HIVEP3: variants seen among roughly 807,000 people sequenced by gnomAD.
The protein encoded by HIVEP3 is HIVEP zinc finger 3, also known as transcription factor HIVEP3.
A neutral mutation model predicts 152.8 loss-of-function variants in HIVEP3; 49 were observed. The observed-to-expected ratio is 0.32, with a 90% CI of 0.26 to 0.41. The LOEUF (loss-of-function observed/expected upper bound fraction) is 0.41, where lower values mean the gene tolerates loss of function less well. Among genes scored for constraint, HIVEP3 ranks in the 10% least tolerant of loss-of-function variants. The probability of loss-of-function intolerance (pLI) is 1.00; values close to 1 mark genes in which losing one functional copy is unlikely to be tolerated. For synonymous variants in HIVEP3, 1,269 were observed against 1,289.0 expected (o/e 0.98, Z 0.33); for missense variants, 2,790 against 3,103.3 (o/e 0.90, Z 2.40).
At chr1:41,637,604 G>A (rs576777810) in intron 2 of HIVEP3, among the ~76,000 whole-genome samples, 42 of 152,296 alleles carry the variant, frequency 2.8e-4, no homozygotes, top group African/African-American at 9.9e-4. Flanking sequence ...TCCTCTCAAC[G>A]GGATGGTGAA....
chr1:41,677,731 C>G (rs1003340131), intron 2 of HIVEP3, among the ~76,000 whole-genome samples: 1 of 152,222 alleles, frequency 6.6e-6, no homozygotes, highest in Non-Finnish European at 1.5e-5. Flanking sequence ...CTGTAACTAT[C>G]AAATCTCCGA....
intron 1 of HIVEP3, among the ~76,000 whole-genome samples, chr1:41,913,012 A>G (rs1325505): frequency 0.45 from 68,754 of 152,152 alleles, 16,424 homozygotes; most frequent in East Asian, 0.71. Context: ...TGTATGTTGC[A>G]AAGCCACAGC....
At chr1:41,810,452 T>A (rs529532190) in intron 1 of HIVEP3, among the ~76,000 whole-genome samples, 1 of 152,264 alleles carries the variant, frequency 6.6e-6, no homozygotes, top group Non-Finnish European at 1.5e-5. Flanking sequence ...AGATAACAAA[T>A]GTCCATCTTA....
chr1:41,821,034 A>G (rs1642579652), intron 1 of HIVEP3, among the ~76,000 whole-genome samples: 1 of 152,172 alleles, frequency 6.6e-6, no homozygotes, highest in African/African-American at 2.4e-5. Context: ...TCTTGCCCTC[A>G]GATTATGAAG....
chr1:41,990,719 C>T (rs1317082585), intron 1 of HIVEP3, among the ~76,000 whole-genome samples: 2 of 150,150 alleles, frequency 1.3e-5, no homozygotes, highest in Non-Finnish European at 3.0e-5. Flanking sequence ...CACCACACCA[C>T]ACCTATTCCA....
chr1:41,671,061 A>G (rs569503855), intron 2 of HIVEP3, among the ~76,000 whole-genome samples: 13 of 151,856 alleles, frequency 8.6e-5, no homozygotes, highest in African/African-American at 2.4e-4. Flanking sequence ...TCAACCAGAC[A>G]CCCCCAAGCA....
At chr1:41,562,014 A>T (rs1644072854) in intron 5 of HIVEP3, among the ~76,000 whole-genome samples, 1 of 152,214 alleles carries the variant, frequency 6.6e-6, no homozygotes, top group African/African-American at 2.4e-5. Context: ...AGAAGAGGGA[A>T]GGAAGGAAAG....
chr1:41,562,505 C>T (rs1426229312), intron 5 of HIVEP3, among the ~76,000 whole-genome samples: 1 of 151,906 alleles, frequency 6.6e-6, no homozygotes, highest in African/African-American at 2.4e-5. Flanking sequence ...TCCTTCCTTC[C>T]TCTCTTTCTC....
chr1:41,595,661 AT>A (rs1644655345), intron 3 of HIVEP3, among the ~76,000 whole-genome samples: 1 of 152,144 alleles, frequency 6.6e-6, no homozygotes, highest in Non-Finnish European at 1.5e-5. Context: ...GGAGATTAAC[AT>A]TTGAGTCAGT....
intron 1 of HIVEP3, among the ~76,000 whole-genome samples, chr1:41,929,682 C>T (rs2124479523): frequency 7.1e-6 from 1 of 140,400 alleles, no homozygotes; most frequent in East Asian, 2.1e-4. Flanking sequence ...ACCTATATTT[C>T]CGTATCTATC....
intron 1 of HIVEP3, among the ~76,000 whole-genome samples, chr1:41,722,500 T>C (rs113631307): frequency 0.053 from 6,179 of 115,950 alleles, 457 homozygotes; most frequent in East Asian, 0.21. Flanking sequence ...CCCCTCCCCT[T>C]CCCTTCCCTT....
intron 5 of HIVEP3, among the ~76,000 whole-genome samples, chr1:41,562,420 T>G (rs1644079755): frequency 6.6e-6 from 1 of 152,182 alleles, no homozygotes; most frequent in Non-Finnish European, 1.5e-5. Context: ...AATATTTGAA[T>G]ACCACCTTAC....
chr1:41,872,471 T>C (rs1205993607), intron 1 of HIVEP3, among the ~76,000 whole-genome samples: 1 of 152,148 alleles, frequency 6.6e-6, no homozygotes, highest in African/African-American at 2.4e-5. Context: ...CCACAAGAAC[T>C]CAAATATAGA....
intron 5 of HIVEP3, among the ~76,000 whole-genome samples, chr1:41,569,878 C>G (rs750726177): frequency 1.3e-5 from 2 of 152,182 alleles, no homozygotes; most frequent in Non-Finnish European, 2.9e-5. Flanking sequence ...AAAAATGTAA[C>G]CCCTTCAACT....
chr1:41,557,991 C>A (rs1643994673), intron 5 of HIVEP3, among the ~76,000 whole-genome samples: 1 of 152,216 alleles, frequency 6.6e-6, no homozygotes, highest in Admixed American at 6.5e-5. Flanking sequence ...TCCCAGCTTA[C>A]AGACGAACAA....
chr1:41,563,733 T>G (rs1259613303), intron 5 of HIVEP3, among the ~76,000 whole-genome samples: 8 of 152,008 alleles, frequency 5.3e-5, no homozygotes, highest in Admixed American at 2.0e-4. Flanking sequence ...AAGGGGCACT[T>G]GAGAGAAACA....
chr1:41,943,057 G>A (rs1284547779), intron 1 of HIVEP3, among the ~76,000 whole-genome samples: 4 of 151,968 alleles, frequency 2.6e-5, no homozygotes, highest in East Asian at 1.9e-4. Flanking sequence ...CCGCCATCAC[G>A]CCCAGCTAAT....
chr1:41,562,662 T>TTTC (rs770152659), intron 5 of HIVEP3, among the ~76,000 whole-genome samples: 1 of 140,750 alleles, frequency 7.1e-6, no homozygotes, highest in Admixed American at 7.2e-5. Context: ...TCTTTCTTTC[T>TTTC]TTTCTTTTGG....
chr1:41,527,941 C>T (rs1643055609), intron 5 of HIVEP3, among the ~76,000 whole-genome samples: 1 of 144,604 alleles, frequency 6.9e-6, no homozygotes, highest in Non-Finnish European at 1.5e-5. Flanking sequence ...CACATGGTCA[C>T]CCTCACACAT....
Sources: allele counts gnomAD v4.1 joint callset (sites outside exome capture counted in the v4.1 genomes callset), GRCh38; gene constraint gnomAD v4.1.1; transcripts MANE v1.5; gene names NCBI Gene and HGNC (gene_info 2026-07-23, HGNC 2026-07-21).